The following SAMSN1 variants were observed in gnomAD, a reference collection of about 807,000 sequenced individuals.
The protein encoded by SAMSN1 is SAM domain-containing protein SAMSN-1.
A neutral mutation model predicts 42.0 loss-of-function variants in SAMSN1; 31 were observed. That is an observed-to-expected ratio of 0.74 (90% CI 0.55 to 1.00). SAMSN1 has a LOEUF of 1.00. SAMSN1 is among the 50% of genes least tolerant of loss of function. SAMSN1 has a pLI of 0.00. For missense variants in SAMSN1, 464 were observed against 439.4 expected, an observed-to-expected ratio of 1.06 and a Z score of -0.50; for synonymous variants, 178 against 151.9, an observed-to-expected ratio of 1.17 and a Z score of -1.26.
intron 3 of SAMSN1, among the ~76,000 whole-genome samples, chr21:14,613,694 C>T (rs1167595361): frequency 6.6e-6 from 1 of 151,928 alleles, no homozygotes; most frequent in African/African-American, 2.4e-5. Flanking sequence ...ACAAATAAAG[C>T]TATTTATAAT....
At chr21:14,626,420 A>G (rs1983172818) in intron 2 of SAMSN1, among the ~76,000 whole-genome samples, 1 of 152,232 alleles carries the variant, frequency 6.6e-6, no homozygotes, top group Admixed American at 6.5e-5. Context: ...AAAGAACTCA[A>G]ACAAACTTAC....
chr21:14,550,806 G>C (rs546932717), upstream of SAMSN1, among the ~76,000 whole-genome samples: 2 of 152,086 alleles, frequency 1.3e-5, no homozygotes. Flanking sequence ...AAGGAAAAGA[G>C]AGCTTAGTGA....
intron 2 of SAMSN1, among the ~76,000 whole-genome samples, chr21:14,571,010 T>C (rs1258555580): frequency 6.6e-6 from 1 of 152,142 alleles, no homozygotes; most frequent in Admixed American, 6.5e-5. Context: ...ATTGTCCTTA[T>C]TATCAGTTAG....
At chr21:14,520,897 C>A (rs992835250) in intron 2 of SAMSN1, among the ~76,000 whole-genome samples, 3 of 151,684 alleles carry the variant, frequency 2.0e-5, no homozygotes, top group African/African-American at 7.3e-5. Context: ...TTCCTTTTCA[C>A]CCGATATACC....
intron 2 of SAMSN1, among the ~76,000 whole-genome samples, chr21:14,575,486 C>T (rs1193913705): frequency 2.6e-5 from 4 of 152,140 alleles, no homozygotes; most frequent in African/African-American, 4.8e-5. Context: ...CATAAGTGGT[C>T]CAAACACATT....
intron 5 of SAMSN1, among the ~76,000 whole-genome samples, chr21:14,501,044 C>T (rs1330474038): frequency 6.6e-6 from 1 of 151,496 alleles, no homozygotes; most frequent in East Asian, 1.9e-4. Flanking sequence ...GGCGTGGTAG[C>T]ATGTATCTGT....
At chr21:14,567,925 A>T (rs1981173137) in intron 2 of SAMSN1, among the ~76,000 whole-genome samples, 1 of 152,176 alleles carries the variant, frequency 6.6e-6, no homozygotes, top group Non-Finnish European at 1.5e-5. Context: ...GATTCTCAAA[A>T]AGACTTCTTG....
At chr21:14,619,740 C>A in intron 2 of SAMSN1, 1 of 237,668 alleles carries the variant, frequency 4.2e-6, no homozygotes, top group Non-Finnish European at 9.6e-6. Flanking sequence ...TTTTATGTGG[C>A]ATAAACCTTC....
chr21:14,556,773 T>C (rs1980774882), intron 2 of SAMSN1, among the ~76,000 whole-genome samples: 1 of 152,190 alleles, frequency 6.6e-6, no homozygotes, highest in Non-Finnish European at 1.5e-5. Flanking sequence ...AATCAAGTGA[T>C]CATTGACAGG....
At chr21:14,553,998 A>G (rs1980679933) in intron 2 of SAMSN1, among the ~76,000 whole-genome samples, 1 of 152,090 alleles carries the variant, frequency 6.6e-6, no homozygotes, top group Non-Finnish European at 1.5e-5. Context: ...AACATACTGG[A>G]TTGATACTCT....
intron 2 of SAMSN1, among the ~76,000 whole-genome samples, chr21:14,567,155 C>G (rs1981148238): frequency 1.3e-5 from 2 of 151,836 alleles, no homozygotes; most frequent in Admixed American, 1.3e-4. Flanking sequence ...AAGCCATCCA[C>G]TAAAACATCT....
At chr21:14,505,105 C>A (rs1405587291) in intron 5 of SAMSN1, among the ~76,000 whole-genome samples, 1 of 152,096 alleles carries the variant, frequency 6.6e-6, no homozygotes, top group Non-Finnish European at 1.5e-5. Flanking sequence ...TCAAACAAAT[C>A]CTGGAAACAC....
intron 2 of SAMSN1, among the ~76,000 whole-genome samples, chr21:14,622,365 A>G (rs1163493103): frequency 1.3e-5 from 2 of 152,222 alleles, no homozygotes; most frequent in Admixed American, 6.5e-5. Flanking sequence ...AAGAAGCTAA[A>G]AAGCTTGGGA....
At chr21:14,611,117 G>A (rs550114567) in intron 4 of SAMSN1, among the ~76,000 whole-genome samples, 3 of 151,880 alleles carry the variant, frequency 2.0e-5, no homozygotes, top group Non-Finnish European at 4.4e-5. Context: ...TAGAGACAGG[G>A]TCATAGTCAA....
chr21:14,571,003 G>T (rs778829954), intron 2 of SAMSN1, among the ~76,000 whole-genome samples: 12 of 152,012 alleles, frequency 7.9e-5, no homozygotes, highest in African/African-American at 2.2e-4. Flanking sequence ...AATTCTCATT[G>T]TCCTTATTAT....
intron 6 of SAMSN1, among the ~76,000 whole-genome samples, chr21:14,599,565 G>A (rs1052388819): frequency 6.6e-6 from 1 of 152,132 alleles, no homozygotes; most frequent in African/African-American, 2.4e-5. Flanking sequence ...AGGTGTTTGG[G>A]TTATGGGGCT....
At chr21:14,636,794 G>A (rs1983479001) in intron 2 of SAMSN1, among the ~76,000 whole-genome samples, 1 of 151,990 alleles carries the variant, frequency 6.6e-6, no homozygotes, top group South Asian at 2.1e-4. Context: ...AACCCTGGGG[G>A]TGGAGCTTGC....
chr21:14,658,947 GAACA>G (rs1983957772), upstream of SAMSN1: 5 of 582,346 alleles, frequency 8.6e-6, no homozygotes, highest in Admixed American at 9.5e-5. Flanking sequence ...GGCTTTTGTT[GAACA>G]AACAATTTCC....
At chr21:14,589,921 C>T (rs1004989557) in intron 7 of SAMSN1, among the ~76,000 whole-genome samples, 4 of 152,076 alleles carry the variant, frequency 2.6e-5, no homozygotes, top group African/African-American at 7.2e-5. Context: ...ATTTCTTCAA[C>T]AGGAGAAATG....
Sources: gnomAD v4.1 joint callset for allele counts (sites outside exome capture counted in the v4.1 genomes callset) on GRCh38, gnomAD v4.1.1 for gene constraint, MANE v1.5 for transcripts, NCBI Gene and HGNC (gene_info 2026-07-23, HGNC 2026-07-21) for gene names.